The following USH2A variants were observed in gnomAD, a reference collection of about 807,000 sequenced individuals.
USH2A encodes the protein Usher syndrome 2A (autosomal recessive, mild).
In USH2A, 443 loss-of-function variants were observed where a neutral mutation model predicts 538.9. The ratio of observed to expected loss-of-function variants is 0.82; its 90% CI spans 0.76 to 0.89. The LOEUF (loss-of-function observed/expected upper bound fraction) is 0.89. Among genes scored for constraint, USH2A ranks in the 40% least tolerant of loss-of-function variants. The pLI is 0.00. For missense variants in USH2A, 6,633 were observed against 6,324.8 expected, an observed-to-expected ratio of 1.05 and a Z score of -1.65; for synonymous variants, 2,413 against 2,273.5, an observed-to-expected ratio of 1.06 and a Z score of -1.75.
At chr1:216,022,000 G>A (rs931111107) in intron 32 of USH2A, among the ~76,000 whole-genome samples, 1 of 151,952 alleles carries the variant, frequency 6.6e-6, no homozygotes, top group African/African-American at 2.4e-5. Context: ...CACAAGAACT[G>A]GCTGTTGAAA....
In USH2A at chr1:216,278,194, A is replaced by G. The variant is rs145679798; in HGVS notation, c.1971+11086T>C. Among the ~76,000 whole-genome samples the G allele has an allele frequency of 5.3e-3, 799 of 152,190 alleles. 9 individuals are homozygous for G. The highest frequency in any genetic ancestry group is 0.019 in the African/African-American group (777 of 41,526). On this transcript the variant is annotated intron_variant, in intron 11 of 71. Transcript: ENST00000307340. The stretch of plus-strand genomic sequence containing the variant: ...TGCCTGAGGTATTGGTATTTGGCCA[A>G]TTTTGTATACCTGGGCCCTTGTGAT...
At chr1:216,093,668 G>C (rs896802801) in intron 22 of USH2A, among the ~76,000 whole-genome samples, 3 of 152,100 alleles carry the variant, frequency 2.0e-5, no homozygotes, top group Non-Finnish European at 4.4e-5. Flanking sequence ...TCAGACTTGG[G>C]GAAATCATTT....
At chr1:216,380,538 G>A (rs2038906984) in intron 3 of USH2A, among the ~76,000 whole-genome samples, 1 of 152,130 alleles carries the variant, frequency 6.6e-6, no homozygotes, top group African/African-American at 2.4e-5. Flanking sequence ...TTTCCAGGCT[G>A]TAATAGAGCT....
At chr1:215,943,652 G>T (rs1571834306) in intron 37 of USH2A, among the ~76,000 whole-genome samples, 1 of 152,168 alleles carries the variant, frequency 6.6e-6, no homozygotes, top group Non-Finnish European at 1.5e-5. Context: ...GTCAACTAAG[G>T]ATTATTCAAG....
intron 64 of USH2A, among the ~76,000 whole-genome samples, chr1:215,660,893 A>G (rs1328084300): frequency 1.3e-5 from 2 of 152,188 alleles, no homozygotes; most frequent in Non-Finnish European, 2.9e-5. Flanking sequence ...ACAAATTACC[A>G]TTTAAGGCAT....
chr1:216,153,498 T>C (rs1263284499), intron 21 of USH2A, among the ~76,000 whole-genome samples: 3 of 152,224 alleles, frequency 2.0e-5, no homozygotes, highest in Non-Finnish European at 4.4e-5. Flanking sequence ...AGCCCAATTA[T>C]ATTCCTATGA....
chr1:215,769,331 TG>T (rs1661217202), intron 55 of USH2A, among the ~76,000 whole-genome samples: 1 of 152,118 alleles, frequency 6.6e-6, no homozygotes, highest in Admixed American at 6.5e-5. Context: ...AATTTTAGGA[TG>T]GGCATTAGGG....
intron 4 of USH2A, among the ~76,000 whole-genome samples, chr1:216,327,994 A>G (rs1222262435): frequency 6.6e-6 from 1 of 152,024 alleles, no homozygotes; most frequent in Non-Finnish European, 1.5e-5. Flanking sequence ...ATCAGCCCTA[A>G]ATTTGATTGT....
intron 60 of USH2A, among the ~76,000 whole-genome samples, chr1:215,733,516 A>C (rs1660067126): frequency 6.6e-6 from 1 of 152,256 alleles, no homozygotes. Flanking sequence ...TGATTACAGC[A>C]TTAACTCAAA....
At chr1:215,839,081 T>G (rs1463620358) in intron 46 of USH2A, among the ~76,000 whole-genome samples, 2 of 152,292 alleles carry the variant, frequency 1.3e-5, no homozygotes, top group East Asian at 3.9e-4. Context: ...GAGGCATATG[T>G]TCATAATGCT....
intron 32 of USH2A, among the ~76,000 whole-genome samples, chr1:216,038,996 G>A (rs577567325): frequency 3.9e-5 from 6 of 151,970 alleles, no homozygotes; most frequent in South Asian, 4.2e-4. Flanking sequence ...ATTTGGGTAC[G>A]GGTCTTAAAA....
At chr1:215,811,922 A>G (rs1473219400) in intron 49 of USH2A, among the ~76,000 whole-genome samples, 1 of 151,340 alleles carries the variant, frequency 6.6e-6, no homozygotes, top group South Asian at 2.1e-4. Flanking sequence ...CAAACAAACA[A>G]ATAAAAAAAC....
chr1:215,872,439 T>C (rs1664647692), intron 43 of USH2A, among the ~76,000 whole-genome samples: 1 of 152,098 alleles, frequency 6.6e-6, no homozygotes, highest in Non-Finnish European at 1.5e-5. Context: ...TATGTTTCTG[T>C]TGCTATCTAT....
In USH2A at chr1:216,247,102, C is replaced by T. The variant is rs142974065; in HGVS notation, c.2292G>A (p.Gly764=). Residue 764 remains glycine (G), a synonymous_variant, in exon 13 of 72, where the codon GGG becomes GGA. Coordinates refer to ENST00000307340, the MANE Select transcript of USH2A (RefSeq NM_206933.4). ...SVNKFCNPHS[G]QCECKKEAKG... is the part of the protein sequence containing the mutation. ...TGGCTTCTTTTTTGCACTCACACTG[C>T]CCAGAGTGAGGATTGCAGAATTTGT... is the stretch of plus-strand genomic sequence containing the variant. 3 of 1,614,008 alleles carry T rather than the reference C, an allele frequency of 1.9e-6. No individual in the cohort carries two copies. The highest frequency in any genetic ancestry group is 2.2e-5 in the East Asian group (1 of 44,858).
At chr1:215,969,493 A>G (rs909069641) in intron 36 of USH2A, among the ~76,000 whole-genome samples, 12 of 151,804 alleles carry the variant, frequency 7.9e-5, no homozygotes, top group African/African-American at 2.7e-4. Context: ...TGCAGCTTAC[A>G]TTTTCAAAAA....
intron 37 of USH2A, among the ~76,000 whole-genome samples, chr1:215,936,581 T>C (rs142201182): frequency 2.0e-5 from 3 of 152,230 alleles, no homozygotes; most frequent in Non-Finnish European, 2.9e-5. Flanking sequence ...CAGCACATAA[T>C]AGTTGCTCAT....
intron 69 of USH2A, among the ~76,000 whole-genome samples, chr1:215,636,328 C>T (rs1656485484): frequency 6.6e-6 from 1 of 152,112 alleles, no homozygotes. Flanking sequence ...CTTTGAACTC[C>T]GTAAGAGGAG....
chr1:215,862,972 C>A (rs1664359359), intron 44 of USH2A, among the ~76,000 whole-genome samples: 3 of 152,070 alleles, frequency 2.0e-5, no homozygotes, highest in African/African-American at 7.2e-5. Flanking sequence ...AATTTGAAAC[C>A]TTGAGTATAG....
intron 3 of USH2A, among the ~76,000 whole-genome samples, chr1:216,393,476 T>C (rs1274836704): frequency 6.6e-6 from 1 of 152,180 alleles, no homozygotes. Context: ...AGGTTTTAGT[T>C]GTTCCAGGTG....
Sources: gnomAD v4.1 joint callset for allele counts (sites outside exome capture counted in the v4.1 genomes callset) on GRCh38, gnomAD v4.1.1 for gene constraint, MANE v1.5 for transcripts, NCBI Gene and HGNC (gene_info 2026-07-23, HGNC 2026-07-21) for gene names.